CDH19: variants seen among roughly 807,000 people sequenced by gnomAD.
The protein encoded by CDH19 is cadherin-19.
A neutral mutation model predicts 64.2 loss-of-function variants in CDH19; 67 were observed. The observed-to-expected ratio is 1.04, with a 90% confidence interval of 0.86 to 1.28. CDH19 has a LOEUF of 1.28. Among genes scored for constraint, CDH19 ranks in the 50% most tolerant of loss-of-function variants. The pLI, the probability that CDH19 is intolerant of heterozygous loss-of-function variation, is 0.00. For missense variants in CDH19, 1,030 were observed against 929.0 expected, an observed-to-expected ratio of 1.11 and a Z score of -1.41; for synonymous variants, 346 against 319.3, an observed-to-expected ratio of 1.08 and a Z score of -0.89.
intron 9 of CDH19, among the ~76,000 whole-genome samples, chr18:66,515,642 G>C (rs911677424): frequency 6.6e-6 from 1 of 151,720 alleles, no homozygotes; most frequent in Admixed American, 6.6e-5. Context: ...TATTATAATT[G>C]TTTTTGCCAT....
intron 8 of CDH19, among the ~76,000 whole-genome samples, chr18:66,530,653 T>TA (rs5825709): frequency 0.63 from 95,070 of 151,822 alleles, 30,892 homozygotes; most frequent in African/African-American, 0.79. Flanking sequence ...CAAATTGATA[T>TA]AAAAAAGACA....
At position 66,502,646 on chromosome 18, in the gene CDH19, T is replaced by C. The variant is rs1338395367; in HGVS notation, c.*2166A>G. 6.6e-6 allele frequency: 1 copy of C among 151,956 alleles called. No individual in the cohort carries two copies. Among genetic ancestry groups the C allele is most frequent in the South Asian group, 2.1e-4 (1 of 4,828 alleles). The allele number at this position is 151,956 out of a possible 1,614,324, so 9.4% of individuals were successfully genotyped here. A position where few individuals can be genotyped will look rare whatever the true frequency, so the allele number is the denominator to read the frequency against. The stretch of plus-strand genomic sequence containing the variant: ...TCATGAAAATTTCTCTGACTATACA[T>C]TTTCAATTTTCATGTCAATGTGATA... On this transcript the variant is annotated 3_prime_UTR_variant, in exon 12 of 12. Transcript: ENST00000262150.
chr18:66,513,212 T>G (rs904442488), intron 9 of CDH19, among the ~76,000 whole-genome samples: 6 of 151,630 alleles, frequency 4.0e-5, no homozygotes, highest in South Asian at 2.1e-4. Flanking sequence ...TCTGAGTAAA[T>G]GTTGCAAATG....
At chr18:66,516,435 T>C (rs564600433) in intron 9 of CDH19, among the ~76,000 whole-genome samples, 4 of 152,140 alleles carry the variant, frequency 2.6e-5, no homozygotes, top group South Asian at 4.1e-4. Context: ...AATACAGAAA[T>C]TACTGAGCAG....
chr18:66,575,526 C>T (rs1253945813), intron 1 of CDH19, among the ~76,000 whole-genome samples: 1 of 151,792 alleles, frequency 6.6e-6, no homozygotes, highest in African/African-American at 2.4e-5. Flanking sequence ...GGAATGTTTT[C>T]GCAGTGACTA....
At chr18:66,505,578 T>C (rs1985159098) in intron 11 of CDH19, among the ~76,000 whole-genome samples, 1 of 147,388 alleles carries the variant, frequency 6.8e-6, no homozygotes. Flanking sequence ...TATAATATAA[T>C]ATATATAGTG....
intron 5 of CDH19, among the ~76,000 whole-genome samples, chr18:66,545,518 C>G (rs918732345): frequency 1.3e-5 from 2 of 151,770 alleles, no homozygotes; most frequent in Non-Finnish European, 2.9e-5. Flanking sequence ...ATCATCATCT[C>G]TCAAATATAT....
chr18:66,555,625 A>T (rs1216297218), intron 3 of CDH19, among the ~76,000 whole-genome samples: 1 of 151,812 alleles, frequency 6.6e-6, no homozygotes, highest in Non-Finnish European at 1.5e-5. Flanking sequence ...ATGAATCAGG[A>T]AAACTTTTTG....
At chr18:66,517,339 G>A (rs1293271919) in intron 9 of CDH19, among the ~76,000 whole-genome samples, 1 of 151,582 alleles carries the variant, frequency 6.6e-6, no homozygotes, top group Non-Finnish European at 1.5e-5. Context: ...GAAAATTATC[G>A]ATATTATACT....
At chr18:66,603,397 T>C (rs1039830088) in intron 1 of CDH19, among the ~76,000 whole-genome samples, 1 of 151,674 alleles carries the variant, frequency 6.6e-6, no homozygotes, top group Non-Finnish European at 1.5e-5. Context: ...GGTAAATTAA[T>C]ATGCCTGTAC....
At chr18:66,542,189 T>C (rs576558680) in intron 7 of CDH19, among the ~76,000 whole-genome samples, 1 of 152,336 alleles carries the variant, frequency 6.6e-6, no homozygotes, top group Non-Finnish European at 1.5e-5. Flanking sequence ...TATGCACTTA[T>C]ACAATCACTA....
At chr18:66,560,967 T>C (rs1248565903) in intron 3 of CDH19, among the ~76,000 whole-genome samples, 1 of 152,108 alleles carries the variant, frequency 6.6e-6, no homozygotes, top group Non-Finnish European at 1.5e-5. Context: ...ATAAAATCTT[T>C]TTTAGAGAAG....
intron 9 of CDH19, among the ~76,000 whole-genome samples, chr18:66,524,545 TA>T (rs1986138683): frequency 1.1e-5 from 1 of 89,698 alleles, no homozygotes; most frequent in East Asian, 3.4e-4. Flanking sequence ...TTTGTGTGTA[TA>T]TATATATATA....
chr18:66,597,322 A>T (rs1039625828), intron 1 of CDH19, among the ~76,000 whole-genome samples: 1 of 152,030 alleles, frequency 6.6e-6, no homozygotes, highest in Non-Finnish European at 1.5e-5. Flanking sequence ...CAACCATCTG[A>T]TCTTCGATGA....
intron 1 of CDH19, among the ~76,000 whole-genome samples, chr18:66,591,517 T>C (rs1388552164): frequency 6.6e-6 from 1 of 151,882 alleles, no homozygotes; most frequent in Non-Finnish European, 1.5e-5. Flanking sequence ...ACAGTTTCTA[T>C]TATGTAAAAT....
rs78669502 is a variant in CDH19, at chr18:66,516,289, A to T, written c.1459-4604T>A. On this transcript the variant is annotated intron_variant, in intron 9 of 11. Coordinates refer to ENST00000262150, the MANE Select transcript of CDH19 (RefSeq NM_021153.4). Reference sequence around the variant, plus strand: ...AGGACATCCTTAGTGTAAGTCTGGAAATAGAGAATCTAGTCCGCAAGCTAT... The same window carrying T: ...AGGACATCCTTAGTGTAAGTCTGGATATAGAGAATCTAGTCCGCAAGCTAT... 5.7e-3 allele frequency among the ~76,000 whole-genome samples: 872 copies of T among 152,096 alleles called. 9 individuals are homozygous for T. Among genetic ancestry groups the T allele is most frequent in the African/African-American group, 0.02 (816 of 41,548 alleles).
At chr18:66,588,228 G>T (rs1473301569) in intron 1 of CDH19, among the ~76,000 whole-genome samples, 1 of 152,052 alleles carries the variant, frequency 6.6e-6, no homozygotes, top group Non-Finnish European at 1.5e-5. Flanking sequence ...TCCTGCAATG[G>T]GATGGCACCC....
intron 4 of CDH19, among the ~76,000 whole-genome samples, chr18:66,553,477 A>G (rs1282540759): frequency 7.4e-6 from 1 of 134,522 alleles, no homozygotes; most frequent in Non-Finnish European, 1.5e-5. Flanking sequence ...AAGAAACCCT[A>G]ATTGAAAAAG....
At chr18:66,550,434 C>T (rs766448344) in intron 5 of CDH19, among the ~76,000 whole-genome samples, 9 of 152,058 alleles carry the variant, frequency 5.9e-5, no homozygotes, top group African/African-American at 1.9e-4. Flanking sequence ...TTCCCCTGAA[C>T]GCATAAATAT....
Sources: allele counts gnomAD v4.1 joint callset (sites outside exome capture counted in the v4.1 genomes callset), GRCh38; gene constraint gnomAD v4.1.1; transcripts MANE v1.5; gene names NCBI Gene and HGNC (gene_info 2026-07-23, HGNC 2026-07-21).